The following ITPKB variants were observed in gnomAD, a reference collection of about 807,000 sequenced individuals.
ITPKB encodes IP3 3-kinase B.
In ITPKB, 13 loss-of-function variants were observed where a neutral mutation model predicts 69.4. That is an observed-to-expected ratio of 0.19 (90% CI 0.12 to 0.30). ITPKB has a LOEUF of 0.30. Ranked by LOEUF, ITPKB falls within the 10% of genes least tolerant of loss-of-function variation. ITPKB has a pLI of 1.00. For missense variants in ITPKB, 1,240 were observed against 1,250.5 expected (o/e 0.99, Z 0.13); for synonymous variants, 584 against 513.7 (o/e 1.14, Z -1.85).
intron 2 of ITPKB, among the ~76,000 whole-genome samples, chr1:226,675,770 G>C (rs893021590): frequency 6.6e-6 from 1 of 152,160 alleles, no homozygotes; most frequent in African/African-American, 2.4e-5. Context: ...TATGTGCTAC[G>C]CAAATGCTTG....
In ITPKB at chr1:226,637,211, G is replaced by A. The variant is rs1668857646; in HGVS notation, c.2625+468C>T. On this transcript the variant is annotated intron_variant, in intron 7 of 7. Coordinates refer to ENST00000429204, the MANE Select transcript of ITPKB (RefSeq NM_002221.4). This position sits in a 1 kb window ranked among gnomAD's most constrained non-coding sequence, Gnocchi z 4.3. ...TGTCTCAGTTCCCCACCTGCTGCCT[G>A]CTGCCCCTGCCAACCAACGTATGCA... Among the ~76,000 whole-genome samples the A allele has an allele frequency of 6.6e-6, 1 of 152,190 alleles. No homozygotes were observed. Among genetic ancestry groups the A allele is most frequent in the East Asian group, 1.9e-4 (1 of 5,194 alleles).
intron 2 of ITPKB, among the ~76,000 whole-genome samples, chr1:226,653,341 G>C (rs1362859642): frequency 6.6e-6 from 1 of 152,192 alleles, no homozygotes; most frequent in Admixed American, 6.5e-5. Flanking sequence ...AGGATGAGGG[G>C]ACAAGAGGCA....
chr1:226,649,523 GA>G (rs1669141578), intron 2 of ITPKB, among the ~76,000 whole-genome samples: 1 of 148,746 alleles, frequency 6.7e-6, no homozygotes, highest in Admixed American at 6.7e-5. Context: ...GCATGTGTGT[GA>G]TGTGTGCATG....
At chr1:226,681,112 A>G (rs924745946) in intron 2 of ITPKB, among the ~76,000 whole-genome samples, 1 of 152,136 alleles carries the variant, frequency 6.6e-6, no homozygotes, top group Admixed American at 6.5e-5. Context: ...TCAGAAAACT[A>G]ACCACCTGCC....
At chr1:226,707,979 G>T in intron 2 of ITPKB, 1 of 1,059,552 alleles carries the variant, frequency 9.4e-7, no homozygotes, top group Non-Finnish European at 1.3e-6. Context: ...GGCAATAACT[G>T]CAACAAAATA....
intron 7 of ITPKB, among the ~76,000 whole-genome samples, chr1:226,636,821 G>A (rs779292422): frequency 2.6e-5 from 4 of 151,834 alleles, no homozygotes; most frequent in Non-Finnish European, 5.9e-5. Context: ...GCATGTTTGT[G>A]TATGAGTGGG....
intron 2 of ITPKB, among the ~76,000 whole-genome samples, chr1:226,703,639 G>A (rs1176671763): frequency 6.6e-6 from 1 of 152,210 alleles, no homozygotes; most frequent in Non-Finnish European, 1.5e-5. Context: ...CGCCCCTGTC[G>A]CCTTCGCCAG....
rs77994165 is a variant in ITPKB, at chr1:226,649,653, A to C, written c.1933-882T>G. ...TTTGGGCAGAAAGGAGAACTAAGGTATATTGAGCATCTTATTTTATTTTCT... is the reference window on the plus strand; with the variant it reads ...TTTGGGCAGAAAGGAGAACTAAGGTCTATTGAGCATCTTATTTTATTTTCT... On this transcript the variant is annotated intron_variant, in intron 2 of 7. Transcript: ENST00000429204. 8.5e-5 allele frequency among the ~76,000 whole-genome samples: 13 copies of C among 152,102 alleles called. No homozygotes were observed. The East Asian group carries it at 2.3e-3, about 27-fold the overall frequency.
chr1:226,697,341 C>T (rs1656514065), intron 2 of ITPKB, among the ~76,000 whole-genome samples: 1 of 152,228 alleles, frequency 6.6e-6, no homozygotes, highest in Non-Finnish European at 1.5e-5. Flanking sequence ...TTTCCCCTTT[C>T]TGCACCAATA....
intron 2 of ITPKB, among the ~76,000 whole-genome samples, chr1:226,714,500 G>C (rs1430025116): frequency 6.6e-6 from 1 of 152,224 alleles, no homozygotes; most frequent in Non-Finnish European, 1.5e-5. Context: ...TGTTTGAACA[G>C]AGGAAACAAG....
At chr1:226,688,155 G>C (rs1466009430) in intron 2 of ITPKB, among the ~76,000 whole-genome samples, 1 of 152,210 alleles carries the variant, frequency 6.6e-6, no homozygotes, top group African/African-American at 2.4e-5. Context: ...GTTCAGCAAT[G>C]ATTAAGCCCC....
At chr1:226,685,721 T>G (rs1656192376) in intron 2 of ITPKB, among the ~76,000 whole-genome samples, 1 of 152,218 alleles carries the variant, frequency 6.6e-6, no homozygotes, top group Non-Finnish European at 1.5e-5. Flanking sequence ...GGCTGGAATG[T>G]TCAGCATGTA....
intron 2 of ITPKB, among the ~76,000 whole-genome samples, chr1:226,661,690 T>A (rs898062877): frequency 6.6e-6 from 1 of 152,234 alleles, no homozygotes; most frequent in African/African-American, 2.4e-5. Flanking sequence ...AAATTCTCTG[T>A]GTGCAGTGCC....
chr1:226,653,346 G>C (rs548029417), intron 2 of ITPKB, among the ~76,000 whole-genome samples: 1 of 152,336 alleles, frequency 6.6e-6, no homozygotes, highest in South Asian at 2.1e-4. Context: ...GAGGGGACAA[G>C]AGGCAGAAGA....
At chr1:226,706,217 C>T (rs1283092097) in intron 2 of ITPKB, among the ~76,000 whole-genome samples, 1 of 152,194 alleles carries the variant, frequency 6.6e-6, no homozygotes, top group Non-Finnish European at 1.5e-5. Context: ...TGGGAAAGAA[C>T]GTGGTACCAC....
At chr1:226,703,672 G>A (rs1046485313) in intron 2 of ITPKB, among the ~76,000 whole-genome samples, 6 of 152,256 alleles carry the variant, frequency 3.9e-5, no homozygotes, top group African/African-American at 1.2e-4. Flanking sequence ...CGCAGCAGAG[G>A]CAGTAGCGGG....
rs1055508283 is a variant in ITPKB at position 226,633,859 on chromosome 1, C to T, written c.*812G>A. ...CCAGGGCCCAGAGACTCTATAGATC[C>T]CATCTTCCCCTGGTAGCACCCTTGG... On this transcript the variant is annotated 3_prime_UTR_variant, in exon 8 of 8. Transcript: ENST00000429204. The T allele has an allele frequency of 6.6e-6, 1 of 152,238 alleles. No homozygotes were observed. The highest frequency in any genetic ancestry group is 6.5e-5 in the Admixed American group (1 of 15,286). 9.4% of individuals were successfully genotyped at this position (152,238 alleles called of 1,614,324 possible).
At chr1:226,677,873 C>T (rs183819990) in intron 2 of ITPKB, among the ~76,000 whole-genome samples, 196 of 152,288 alleles carry the variant, frequency 1.3e-3, no homozygotes, top group African/African-American at 4.5e-3. Flanking sequence ...CCCTGGAGAA[C>T]GTGGCTAATG....
At position 226,647,284 on chromosome 1, in the gene ITPKB, G is replaced by A; in HGVS notation, c.2129C>T (p.Pro710Leu). ...LDRLMVDVLRPFVPAYHGDVV... is the reference protein window; with the variant it reads ...LDRLMVDVLRLFVPAYHGDVV... ...ATCCCCATGGTAGGCAGGTACGAAG[G>A]GCCTCAGCACATCCACCATCAGCCG... Residue 710 changes from proline to leucine, a missense_variant, in exon 4 of 8, where the codon CCC becomes CTC. Around this residue, in one of 2 missense-constraint regions of ITPKB, gnomAD observed 248 missense variants for 396.7 expected, o/e 0.63. Transcript: ENST00000429204. 1.2e-6 allele frequency: 2 copies of A among 1,614,136 alleles called. No homozygotes were observed. Among genetic ancestry groups the A allele is most frequent in the Non-Finnish European group, 1.7e-6 (2 of 1,180,002 alleles).
Sources: allele counts gnomAD v4.1 joint callset (sites outside exome capture counted in the v4.1 genomes callset), GRCh38; gene constraint gnomAD v4.1.1; regional missense constraint gnomAD v4.1.1; non-coding constraint Gnocchi (gnomAD v3.1); transcripts MANE v1.5; gene names NCBI Gene and HGNC (gene_info 2026-07-23, HGNC 2026-07-21).